TMEM132D: variants seen among roughly 807,000 people sequenced by gnomAD.
TMEM132D encodes mature OL transmembrane protein.
Under a neutral mutation model 62.3 loss-of-function variants are expected in TMEM132D, and 21 were observed. The ratio of observed to expected loss-of-function variants is 0.34; its 90% CI spans 0.24 to 0.49. The LOEUF is 0.49. TMEM132D is among the 20% of genes least tolerant of loss of function. TMEM132D has a pLI of 0.99. For synonymous variants in TMEM132D, 621 were observed against 575.6 expected (o/e 1.08, Z -1.13); for missense variants, 1,346 against 1,402.8 (o/e 0.96, Z 0.65).
intron 5 of TMEM132D, among the ~76,000 whole-genome samples, chr12:129,207,339 C>T (rs138563031): frequency 6.0e-5 from 9 of 150,828 alleles, no homozygotes; most frequent in African/African-American, 2.0e-4. Context: ...TAGGTTCCAA[C>T]GAGGACAGTC....
intron 4 of TMEM132D, among the ~76,000 whole-genome samples, chr12:129,307,900 C>G (rs73148879): frequency 6.6e-6 from 1 of 152,080 alleles, no homozygotes; most frequent in Non-Finnish European, 1.5e-5. Flanking sequence ...CTCTTGATAT[C>G]CCCCACATCC....
chr12:129,705,370 AGAGT>A (rs1194442609), intron 1 of TMEM132D, among the ~76,000 whole-genome samples: 4 of 152,240 alleles, frequency 2.6e-5, no homozygotes, highest in Non-Finnish European at 5.9e-5. Context: ...TCAAGGGTAA[AGAGT>A]AATTCTATAA....
chr12:129,157,962 G>C (rs1877293696), intron 5 of TMEM132D, among the ~76,000 whole-genome samples: 1 of 152,174 alleles, frequency 6.6e-6, no homozygotes, highest in Non-Finnish European at 1.5e-5. Flanking sequence ...TGGAGAGATA[G>C]AATTTGTCAG....
At position 129,177,900 on chromosome 12, in the gene TMEM132D, T is replaced by C. The variant is rs1294767449; in HGVS notation, c.1443+31620A>G. 3.3e-5 allele frequency among the ~76,000 whole-genome samples: 5 copies of C among 152,184 alleles called. No individual in the cohort carries two copies. The East Asian group carries it at 9.6e-4, about 29-fold the overall frequency. On this transcript the variant is annotated intron_variant, in intron 5 of 8. Coordinates refer to ENST00000422113, the MANE Select transcript of TMEM132D (RefSeq NM_133448.3). ...ATTAAGCCCAGTGTCCATTAGCTAT[T>C]CTTCCTGATGCTCTGCCTCCTCCCT... is the stretch of plus-strand genomic sequence containing the variant.
intron 5 of TMEM132D, among the ~76,000 whole-genome samples, chr12:129,162,335 C>G (rs1451346831): frequency 6.6e-6 from 1 of 152,176 alleles, no homozygotes. Context: ...ACCAACCCTG[C>G]TGATATCTTG....
intron 1 of TMEM132D, among the ~76,000 whole-genome samples, chr12:129,760,784 G>A (rs952092985): frequency 6.6e-6 from 1 of 151,884 alleles, no homozygotes; most frequent in Non-Finnish European, 1.5e-5. Flanking sequence ...CATGCATTAG[G>A]AATTTGTCCT....
chr12:129,616,669 C>T (rs145062351), intron 2 of TMEM132D, among the ~76,000 whole-genome samples: 4,059 of 152,224 alleles, frequency 0.027, 77 homozygotes, highest in Middle Eastern at 0.13. Flanking sequence ...TCCTTGCTGC[C>T]GCCATGTGAA....
chr12:129,761,308 T>C (rs1362942443), intron 1 of TMEM132D, among the ~76,000 whole-genome samples: 1 of 151,928 alleles, frequency 6.6e-6, no homozygotes, highest in African/African-American at 2.4e-5. Context: ...GCACGGTTCC[T>C]GCACACTTCT....
intron 3 of TMEM132D, among the ~76,000 whole-genome samples, chr12:129,478,922 A>C (rs1186260998): frequency 6.6e-6 from 1 of 151,758 alleles, no homozygotes; most frequent in Non-Finnish European, 1.5e-5. Context: ...AAAATATGTT[A>C]AAAATAATTA....
chr12:129,127,291 C>T (rs190852073), intron 5 of TMEM132D, among the ~76,000 whole-genome samples: 187 of 152,266 alleles, frequency 1.2e-3, no homozygotes, highest in African/African-American at 4.3e-3. Flanking sequence ...TGGAACATTG[C>T]GCAAACAAAC....
chr12:129,377,921 G>A (rs551688516), intron 3 of TMEM132D, among the ~76,000 whole-genome samples: 2 of 152,220 alleles, frequency 1.3e-5, no homozygotes, highest in East Asian at 1.9e-4. Context: ...TAAATCATTT[G>A]TGGAATGAAG....
intron 3 of TMEM132D, among the ~76,000 whole-genome samples, chr12:129,419,653 C>G (rs1026387870): frequency 1.3e-5 from 2 of 152,116 alleles, no homozygotes; most frequent in African/African-American, 4.8e-5. Context: ...AATCTGCCTC[C>G]GGTTGCATTT....
intron 3 of TMEM132D, among the ~76,000 whole-genome samples, chr12:129,425,311 G>A (rs898997299): frequency 6.6e-6 from 1 of 151,858 alleles, no homozygotes; most frequent in Admixed American, 6.6e-5. Context: ...TGTATTTAAT[G>A]TTTTAAGAAA....
At chr12:129,345,607 G>T (rs2135664793) in intron 3 of TMEM132D, among the ~76,000 whole-genome samples, 1 of 152,280 alleles carries the variant, frequency 6.6e-6, no homozygotes, top group South Asian at 2.1e-4. Flanking sequence ...GAGGGAAAAT[G>T]GGATGAAATA....
At chr12:129,804,950 A>G (rs1463912280) in intron 1 of TMEM132D, among the ~76,000 whole-genome samples, 1 of 121,588 alleles carries the variant, frequency 8.2e-6, no homozygotes, top group Non-Finnish European at 1.7e-5. Flanking sequence ...AATTGCTTCA[A>G]AGAGAATAAA....
chr12:129,399,460 C>A (rs1472372633), intron 3 of TMEM132D, among the ~76,000 whole-genome samples: 1 of 152,286 alleles, frequency 6.6e-6, no homozygotes, highest in Non-Finnish European at 1.5e-5. Flanking sequence ...GTAACTCACT[C>A]CTGAAATAAC....
At chr12:129,164,628 G>A (rs916774598) in intron 5 of TMEM132D, among the ~76,000 whole-genome samples, 1 of 152,218 alleles carries the variant, frequency 6.6e-6, no homozygotes, top group East Asian at 1.9e-4. Context: ...CATGGCGGAA[G>A]GTGAAGGGGA....
intron 1 of TMEM132D, among the ~76,000 whole-genome samples, chr12:129,848,899 C>A (rs756287312): frequency 4.3e-4 from 65 of 152,300 alleles, no homozygotes; most frequent in Non-Finnish European, 5.9e-4. Context: ...TCATCTTCCT[C>A]TTTGCTTCCC....
chr12:129,716,253 G>C (rs1868568903), intron 1 of TMEM132D, among the ~76,000 whole-genome samples: 1 of 152,108 alleles, frequency 6.6e-6, no homozygotes, highest in Non-Finnish European at 1.5e-5. Flanking sequence ...CTGGGAAATG[G>C]CCCAATCTCC....
Sources: gnomAD v4.1 joint callset for allele counts (sites outside exome capture counted in the v4.1 genomes callset) on GRCh38, gnomAD v4.1.1 for gene constraint, MANE v1.5 for transcripts, NCBI Gene and HGNC (gene_info 2026-07-23, HGNC 2026-07-21) for gene names.